The following PRIM2 variants were observed in gnomAD, a reference collection of about 807,000 sequenced individuals.
PRIM2 encodes DNA primase subunit 2.
PRIM2 carries 39 observed loss-of-function variants against 67.3 expected under a neutral mutation model. The observed-to-expected ratio is 0.58, with a 90% confidence interval of 0.45 to 0.76. PRIM2 has a LOEUF of 0.76. PRIM2 is among the 30% of genes least tolerant of loss of function. PRIM2 has a pLI of 0.00. For missense variants in PRIM2, 398 were observed against 598.7 expected, an observed-to-expected ratio of 0.66 and a Z score of 3.50; for synonymous variants, 143 against 198.7, an observed-to-expected ratio of 0.72 and a Z score of 2.36.
chr6:57,554,142 A>C (rs1775461501), intron 10 of PRIM2, among the ~76,000 whole-genome samples: 1 of 150,900 alleles, frequency 6.6e-6, no homozygotes, highest in South Asian at 2.1e-4. Context: ...AAAACCATTT[A>C]ATCTCTGTTT....
intron 7 of PRIM2, among the ~76,000 whole-genome samples, chr6:57,423,964 C>G (rs1472528675): frequency 6.6e-6 from 1 of 152,172 alleles, no homozygotes; most frequent in East Asian, 1.9e-4. Flanking sequence ...CCTGTGAGCA[C>G]ATGTACCCTA....
chr6:57,482,878 G>C (rs1449838595), intron 7 of PRIM2, among the ~76,000 whole-genome samples: 1 of 152,198 alleles, frequency 6.6e-6, no homozygotes, highest in Non-Finnish European at 1.5e-5. Context: ...ACCAGCATCA[G>C]ATGGTCTCCT....
intron 12 of PRIM2, among the ~76,000 whole-genome samples, chr6:57,611,780 C>T (rs1317904318): frequency 1.3e-5 from 2 of 152,036 alleles, no homozygotes; most frequent in African/African-American, 4.8e-5. Flanking sequence ...AAAAATTTTG[C>T]TCTGCAAAAG....
the PRIM2 span, among the ~76,000 whole-genome samples, chr6:57,268,165 G>A: frequency 1.3e-4 from 20 of 152,166 alleles, no homozygotes; most frequent in South Asian, 3.9e-3. Flanking sequence ...AGTCTCCAGC[G>A]GAAGGGAGGA....
At chr6:57,528,714 T>C (rs1358426758) in intron 8 of PRIM2, among the ~76,000 whole-genome samples, 2 of 152,360 alleles carry the variant, frequency 1.3e-5, no homozygotes, top group South Asian at 2.1e-4. Flanking sequence ...CTGAGACTTA[T>C]AAGGGTCAAT....
At chr6:57,335,795 A>G (rs9475852) in intron 5 of PRIM2, among the ~76,000 whole-genome samples, 17,816 of 152,020 alleles carry the variant, frequency 0.12, 1,111 homozygotes, top group African/African-American at 0.15. Context: ...TCTGAAAAGC[A>G]GAGCGCCTCT....
At chr6:57,432,253 T>C (rs1172711054) in intron 7 of PRIM2, among the ~76,000 whole-genome samples, 2 of 152,220 alleles carry the variant, frequency 1.3e-5, no homozygotes, top group African/African-American at 4.8e-5. Context: ...ATAATTACTT[T>C]CATGAAAGGA....
intron 12 of PRIM2, among the ~76,000 whole-genome samples, chr6:57,612,055 A>G (rs1303034501): frequency 6.6e-4 from 100 of 152,282 alleles, no homozygotes; most frequent in African/African-American, 2.2e-3. Context: ...GCCAAATAGA[A>G]TTGGTCTAAT....
chr6:57,311,062 C>T (rs1440696647), upstream of PRIM2, among the ~76,000 whole-genome samples: 7 of 143,818 alleles, frequency 4.9e-5, no homozygotes, highest in Non-Finnish European at 7.6e-5. Context: ...GGGTGGCGGC[C>T]GGGCAGAGGT....
At chr6:57,494,107 A>G (rs1773953961) in intron 7 of PRIM2, 1 of 152,220 alleles carries the variant, frequency 6.6e-6, no homozygotes, top group Admixed American at 6.5e-5. Context: ...TGTATCCCCA[A>G]ACATGCTTAC....
intron 13 of PRIM2, among the ~76,000 whole-genome samples, chr6:57,642,311 G>A (rs1257182643): frequency 1.3e-5 from 2 of 151,880 alleles, no homozygotes; most frequent in Non-Finnish European, 2.9e-5. Flanking sequence ...AACCACCATG[G>A]CATGTGTATG....
intron 10 of PRIM2, among the ~76,000 whole-genome samples, chr6:57,597,003 G>A (rs1228340672): frequency 1.4e-4 from 21 of 151,516 alleles, no homozygotes; most frequent in African/African-American, 3.4e-4. Context: ...AACAGCTACC[G>A]CTTATTTGCT....
At chr6:57,238,476 T>C in the PRIM2 span, among the ~76,000 whole-genome samples, 4 of 152,128 alleles carry the variant, frequency 2.6e-5, no homozygotes, top group African/African-American at 9.7e-5. Context: ...GGGTATATAA[T>C]GAAATGAAGG....
chr6:57,358,123 TG>T (rs1233895159), intron 5 of PRIM2, among the ~76,000 whole-genome samples: 1 of 152,220 alleles, frequency 6.6e-6, no homozygotes, highest in Non-Finnish European at 1.5e-5. Flanking sequence ...AGAAACTGTT[TG>T]GCCTTTTGAA....
At chr6:57,455,300 G>C (rs1247829549) in intron 7 of PRIM2, among the ~76,000 whole-genome samples, 1 of 152,172 alleles carries the variant, frequency 6.6e-6, no homozygotes, top group East Asian at 1.9e-4. Flanking sequence ...TGTCTATTAG[G>C]TCCACTTGGT....
chr6:57,366,531 A>G (rs1042199601), intron 5 of PRIM2, among the ~76,000 whole-genome samples: 3 of 152,060 alleles, frequency 2.0e-5, no homozygotes, highest in Non-Finnish European at 4.4e-5. Context: ...GCAGAAGTGG[A>G]GGGTGAGTGG....
At chr6:57,239,890 T>C in the PRIM2 span, among the ~76,000 whole-genome samples, 1 of 152,186 alleles carries the variant, frequency 6.6e-6, no homozygotes, top group Non-Finnish European at 1.5e-5. Context: ...AAATAACTAA[T>C]ATTTTTGAGC....
chr6:57,529,182 C>T (rs1466062061), intron 8 of PRIM2, among the ~76,000 whole-genome samples: 150 of 152,112 alleles, frequency 9.9e-4, no homozygotes, highest in Non-Finnish European at 1.1e-3. Flanking sequence ...TGGTGGTGGG[C>T]GCCTGTATTC....
At chr6:57,271,171 C>G in the PRIM2 span, among the ~76,000 whole-genome samples, 2 of 152,126 alleles carry the variant, frequency 1.3e-5, no homozygotes, top group Non-Finnish European at 2.9e-5. Context: ...TTCCCTCTTT[C>G]TCTATTCATT....
Sources: gnomAD v4.1 joint callset for allele counts (sites outside exome capture counted in the v4.1 genomes callset) on GRCh38, gnomAD v4.1.1 for gene constraint, MANE v1.5 for transcripts, NCBI Gene and HGNC (gene_info 2026-07-23, HGNC 2026-07-21) for gene names.